Variants in VPS53 observed in about 807,000 individuals in gnomAD.
The protein encoded by VPS53 is vacuolar protein sorting-associated protein 53 homolog.
A neutral mutation model predicts 107.0 loss-of-function variants in VPS53; 70 were observed. The observed-to-expected ratio is 0.65, with a 90% CI of 0.54 to 0.80. VPS53 has a LOEUF of 0.80. Among genes scored for constraint, VPS53 ranks in the 30% least tolerant of loss-of-function variants. VPS53 has a pLI of 0.00. For missense variants in VPS53, 917 were observed against 1,049.4 expected, an observed-to-expected ratio of 0.87 and a Z score of 1.74; for synonymous variants, 409 against 393.3, an observed-to-expected ratio of 1.04 and a Z score of -0.47.
intron 13 of VPS53, among the ~76,000 whole-genome samples, chr17:571,585 G>A (rs565170326): frequency 7.1e-6 from 1 of 141,224 alleles, no homozygotes; most frequent in Non-Finnish European, 1.6e-5. Context: ...GTCTCCCTCT[G>A]ATGCCGAGCC....
chr17:543,011 TG>T (rs1469224633), intron 17 of VPS53, among the ~76,000 whole-genome samples: 1 of 151,512 alleles, frequency 6.6e-6, no homozygotes, highest in African/African-American at 2.4e-5. Context: ...TTTTCTAAAA[TG>T]GAAGTGATTT....
intron 13 of VPS53, among the ~76,000 whole-genome samples, chr17:566,734 T>A (rs1480640341): frequency 6.6e-6 from 1 of 151,978 alleles, no homozygotes; most frequent in African/African-American, 2.4e-5. Flanking sequence ...TTTTTGTTTT[T>A]TTTTGTTTTT....
chr17:653,454 G>C, intron 6 of VPS53, 44 bp from the exon 7 acceptor site: 1 of 1,613,104 alleles, frequency 6.2e-7, no homozygotes, highest in Non-Finnish European at 8.5e-7. Flanking sequence ...AAACACTAAA[G>C]ACGCAAGATA....
chr17:527,736 C>T (rs561287112), intron 19 of VPS53, among the ~76,000 whole-genome samples: 62 of 152,282 alleles, frequency 4.1e-4, no homozygotes, highest in Middle Eastern at 3.4e-3. Context: ...GTCTCAGCTT[C>T]CCGAGTGGCT....
intron 2 of VPS53, among the ~76,000 whole-genome samples, chr17:704,724 T>G (rs370218693): frequency 3.3e-5 from 5 of 152,158 alleles, no homozygotes; most frequent in African/African-American, 1.2e-4. Context: ...GACACAGAAC[T>G]GAATCTGTGG....
chr17:553,250 G>A (rs910858689), intron 16 of VPS53, 130 bp downstream of exon 16: 4 of 679,918 alleles, frequency 5.9e-6, no homozygotes, highest in East Asian at 5.2e-5. Flanking sequence ...AGGTATATAC[G>A]TGCCACATGC....
intron 4 of VPS53, among the ~76,000 whole-genome samples, chr17:681,901 G>A (rs1972407319): frequency 6.6e-6 from 1 of 152,154 alleles, no homozygotes; most frequent in Non-Finnish European, 1.5e-5. Context: ...GACCCCTTGT[G>A]ACTCAGTCAC....
intron 5 of VPS53, among the ~76,000 whole-genome samples, chr17:660,339 T>C (rs1344961863): frequency 6.6e-6 from 1 of 152,220 alleles, no homozygotes; most frequent in East Asian, 1.9e-4. Context: ...ACCAGCACAC[T>C]GCTGGCACTG....
intron 6 of VPS53, 136 bp from the exon 7 acceptor site, chr17:653,546 G>C: frequency 7.4e-7 from 1 of 1,356,596 alleles, no homozygotes; most frequent in Admixed American, 2.4e-5. Flanking sequence ...GAGTATATAA[G>C]CTGCTGTGCG....
At chr17:706,912 C>T (rs970650652) in intron 2 of VPS53, among the ~76,000 whole-genome samples, 2 of 152,150 alleles carry the variant, frequency 1.3e-5, no homozygotes, top group Admixed American at 6.6e-5. Context: ...AGTCTCTCCC[C>T]ACCTCCATCC....
chr17:555,950 G>A (rs912965046), intron 15 of VPS53, among the ~76,000 whole-genome samples: 2 of 152,088 alleles, frequency 1.3e-5, no homozygotes, highest in African/African-American at 4.8e-5. Context: ...TTGCAGAGGG[G>A]GCAAAGGGAA....
rs1973604545 is a variant in VPS53 at position 710,625 on chromosome 17, G to T, written c.88-12C>A. The T allele has an allele frequency of 6.3e-7, 1 of 1,582,890 alleles. No homozygotes were observed. The highest frequency in any genetic ancestry group is 1.3e-5 in the African/African-American group (1 of 74,090). On this transcript the variant is annotated splice_polypyrimidine_tract_variant and intron_variant, in intron 1 of 21. Transcript: ENST00000437048. ...TGGCTTGGAAACACCTATATAGAAA[G>T]AGAGGAGTATATATAAAAACATGTA...
At chr17:545,937 C>T (rs1302207983) in intron 17 of VPS53, among the ~76,000 whole-genome samples, 2 of 152,190 alleles carry the variant, frequency 1.3e-5, no homozygotes, top group African/African-American at 4.8e-5. Context: ...AAGACTCATA[C>T]TTCTTGATTT....
chr17:687,060 A>C (rs896909862), intron 4 of VPS53, among the ~76,000 whole-genome samples: 12 of 152,136 alleles, frequency 7.9e-5, no homozygotes, highest in African/African-American at 2.7e-4. Context: ...CAAGGTGGGC[A>C]GATCACCTGA....
chr17:693,807 A>G (rs1001546164), intron 4 of VPS53, among the ~76,000 whole-genome samples: 2 of 52,754 alleles, frequency 3.8e-5, no homozygotes, highest in East Asian at 1.2e-3. Flanking sequence ...TTATAAAACG[A>G]AAACCTCCTT....
At chr17:631,694 C>T in intron 7 of VPS53, 66 bp from the exon 8 acceptor site, 1 of 1,484,396 alleles carries the variant, frequency 6.7e-7, no homozygotes, top group Non-Finnish European at 9.4e-7. Flanking sequence ...CACCGATCCA[C>T]AGGGTCGGAA....
intron 11 of VPS53, among the ~76,000 whole-genome samples, chr17:610,955 G>T (rs1968843551): frequency 6.7e-6 from 1 of 150,366 alleles, no homozygotes; most frequent in Non-Finnish European, 1.5e-5. Context: ...AAAAAAAAAA[G>T]TTATAGAATA....
intron 4 of VPS53, among the ~76,000 whole-genome samples, chr17:662,516 CATCTCTACTAAAA>C (rs1567719365): frequency 1.3e-5 from 2 of 151,854 alleles, no homozygotes; most frequent in Non-Finnish European, 2.9e-5. Flanking sequence ...GGTGAAACCC[CATCTCTACTAAAA>C]ATACAAAAAA....
chr17:552,167 T>A (rs188219759), intron 16 of VPS53, among the ~76,000 whole-genome samples: 3 of 152,288 alleles, frequency 2.0e-5, no homozygotes, highest in Non-Finnish European at 2.9e-5. Flanking sequence ...CCACGGTCAG[T>A]CTCCCTAATC....
Sources: gnomAD v4.1 joint callset for allele counts (sites outside exome capture counted in the v4.1 genomes callset) on GRCh38, gnomAD v4.1.1 for gene constraint, MANE v1.5 for transcripts, NCBI Gene and HGNC (gene_info 2026-07-23, HGNC 2026-07-21) for gene names.